The following DAPP1 variants were observed in gnomAD, a reference collection of about 807,000 sequenced individuals.
The protein encoded by DAPP1 is dual adapter for phosphotyrosine and 3-phosphotyrosine and 3-phosphoinositide.
DAPP1 carries 20 observed loss-of-function variants against 41.5 expected under a neutral mutation model. The ratio of observed to expected loss-of-function variants is 0.48; its 90% CI spans 0.34 to 0.70. The LOEUF (loss-of-function observed/expected upper bound fraction) is 0.70. Ranked by LOEUF, DAPP1 falls within the 30% of genes least tolerant of loss-of-function variation. The probability of loss-of-function intolerance (pLI) is 0.01; values close to 1 mark genes in which losing one functional copy is unlikely to be tolerated. For synonymous variants in DAPP1, 113 were observed against 116.2 expected (o/e 0.97, Z 0.18); for missense variants, 233 against 333.4 (o/e 0.70, Z 2.35).
intron 7 of DAPP1, 76 bp downstream of exon 7, chr4:99,863,931 T>G: frequency 1.0e-6 from 1 of 979,684 alleles, no homozygotes; most frequent in Non-Finnish European, 1.5e-6. Context: ...AATAGAAAGC[T>G]GTATATCTTA....
intron 1 of DAPP1, among the ~76,000 whole-genome samples, chr4:99,829,110 G>GTT (rs149305446): frequency 6.6e-6 from 1 of 151,704 alleles, no homozygotes; most frequent in Admixed American, 6.6e-5. Flanking sequence ...AGCAAATCTA[G>GTT]TTTTTTTTCT....
At chr4:99,825,208 T>C (rs949812426) in intron 1 of DAPP1, among the ~76,000 whole-genome samples, 1 of 152,176 alleles carries the variant, frequency 6.6e-6, no homozygotes, top group African/African-American at 2.4e-5. Flanking sequence ...TTGAGTTTTG[T>C]GTCTCTATCT....
At chr4:99,845,745 A>C (rs1723644840) in intron 3 of DAPP1, among the ~76,000 whole-genome samples, 1 of 152,238 alleles carries the variant, frequency 6.6e-6, no homozygotes, top group South Asian at 2.1e-4. Context: ...ATTATACCAG[A>C]GGAAACTTTA....
intron 1 of DAPP1, among the ~76,000 whole-genome samples, chr4:99,818,411 A>T (rs1722662543): frequency 6.6e-6 from 1 of 152,196 alleles, no homozygotes; most frequent in South Asian, 2.1e-4. Context: ...TTCCCAGCCC[A>T]CTGTAATAGA....
intron 3 of DAPP1, among the ~76,000 whole-genome samples, chr4:99,848,848 C>T (rs546382763): frequency 6.6e-6 from 1 of 152,242 alleles, no homozygotes; most frequent in Non-Finnish European, 1.5e-5. Context: ...TTAGTGTGAC[C>T]AGGTCAGGTA....
At chr4:99,833,844 C>T (rs1299028607) in intron 1 of DAPP1, among the ~76,000 whole-genome samples, 2 of 152,222 alleles carry the variant, frequency 1.3e-5, no homozygotes, top group African/African-American at 2.4e-5. Context: ...ATCTCAATGG[C>T]TTCCTGGTAG....
rs1479483570 is a variant in DAPP1 at position 99,827,553 on chromosome 4, AC to A, written c.102-8069del. Among the ~76,000 whole-genome samples, 236 of 124,780 alleles carry A rather than the reference AC, an allele frequency of 1.9e-3. 7 individuals are homozygous for A. The highest frequency in any genetic ancestry group is 3.8e-3 in the Middle Eastern group (1 of 260). 81.9% of individuals were successfully genotyped at this position (124,780 alleles called of 152,430 possible). On this transcript the variant is annotated intron_variant, in intron 1 of 8. Coordinates refer to ENST00000512369, the MANE Select transcript of DAPP1 (RefSeq NM_014395.3). Reference sequence around the variant, plus strand: ...GTCTCAAAAAAAAAACAACAAAAAAACAAAACAAAAAACACCATCACACTTA... The same window carrying A: ...GTCTCAAAAAAAAAACAACAAAAAAAAAAACAAAAAACACCATCACACTTA...
chr4:99,839,632 G>A (rs1407491670), intron 2 of DAPP1, among the ~76,000 whole-genome samples: 2 of 152,062 alleles, frequency 1.3e-5, no homozygotes, highest in African/African-American at 2.4e-5. Context: ...AGTGTGGTGA[G>A]GGTGTCATAT....
intron 2 of DAPP1, among the ~76,000 whole-genome samples, chr4:99,837,679 T>C (rs1723348090): frequency 6.6e-6 from 1 of 152,162 alleles, no homozygotes; most frequent in Non-Finnish European, 1.5e-5. Flanking sequence ...CAGGGACAAT[T>C]TTGCCACAGA....
At chr4:99,823,049 G>C (rs74648584) in intron 1 of DAPP1, among the ~76,000 whole-genome samples, 1,749 of 152,248 alleles carry the variant, frequency 0.011, 41 homozygotes, top group African/African-American at 0.039. Context: ...GTAATCACTT[G>C]TTTTAATAAC....
chr4:99,853,031 C>T (rs1723917480), intron 3 of DAPP1, among the ~76,000 whole-genome samples, 187 bp from the exon 4 acceptor site: 1 of 152,128 alleles, frequency 6.6e-6, no homozygotes, highest in Non-Finnish European at 1.5e-5. Context: ...CTCCATCATG[C>T]TTTATATCTC....
At chr4:99,866,927 G>A (rs917113195) in intron 8 of DAPP1, among the ~76,000 whole-genome samples, 3 of 151,666 alleles carry the variant, frequency 2.0e-5, no homozygotes, top group East Asian at 1.9e-4. Context: ...TTGCCACCAC[G>A]CCTGGTTAAT....
rs4699768 is a variant in DAPP1 at position 99,868,259 on chromosome 4, G to A, written c.*74G>A. 0.092 allele frequency: 121,468 copies of A among 1,323,404 alleles called. 6,667 individuals carry two copies. The highest frequency in any genetic ancestry group is 0.11 in the Non-Finnish European group (102,722 of 921,612). The allele number at this position is 1,323,404 out of a possible 1,614,324, so 82.0% of individuals were successfully genotyped here. A position where few individuals can be genotyped will look rare whatever the true frequency, so the allele number is the denominator to read the frequency against. On this transcript the variant is annotated 3_prime_UTR_variant, in exon 9 of 9. Coordinates refer to ENST00000512369, the MANE Select transcript of DAPP1 (RefSeq NM_014395.3). ...TCCCTGACGCTGTGATCTGCAGCAG[G>A]CTTCAAATGAAAACCGACTAAGGAT...
At chr4:99,845,301 C>T (rs2110151412) in intron 3 of DAPP1, among the ~76,000 whole-genome samples, 1 of 152,240 alleles carries the variant, frequency 6.6e-6, no homozygotes, top group South Asian at 2.1e-4. Context: ...GAAACTGGTC[C>T]CACAATAACA....
At chr4:99,847,853 T>C (rs1023371905) in intron 3 of DAPP1, among the ~76,000 whole-genome samples, 3 of 152,022 alleles carry the variant, frequency 2.0e-5, no homozygotes, top group African/African-American at 7.3e-5. Context: ...CTCACTCTGT[T>C]GCCAGGCTGG....
intron 3 of DAPP1, among the ~76,000 whole-genome samples, chr4:99,841,604 C>A (rs968323730): frequency 6.6e-6 from 1 of 152,200 alleles, no homozygotes; most frequent in Admixed American, 6.5e-5. Context: ...CCTTGGCAAG[C>A]ATTTCAGTTT....
rs781375437 is a variant in DAPP1 at position 99,816,868 on chromosome 4, G to T, written c.-46G>T. The stretch of plus-strand genomic sequence containing the variant: ...GTCTCACAGAGCGAGAAGGTGTCAG[G>T]AGCAGCCCAGTTGTGTCTCTCTCTC... On this transcript the variant is annotated 5_prime_UTR_variant, in exon 1 of 9. Coordinates refer to ENST00000512369, the MANE Select transcript of DAPP1 (RefSeq NM_014395.3). The T allele has an allele frequency of 6.6e-7, 1 of 1,524,956 alleles. No individual in the cohort carries two copies. Among genetic ancestry groups the T allele is most frequent in the South Asian group, 1.2e-5 (1 of 83,340 alleles). The allele number at this position is 1,524,956 out of a possible 1,614,324, so 94.5% of individuals were successfully genotyped here. A position where few individuals can be genotyped will look rare whatever the true frequency, so the allele number is the denominator to read the frequency against.
At chr4:99,836,737 A>G (rs1322218948) in intron 2 of DAPP1, among the ~76,000 whole-genome samples, 1 of 152,164 alleles carries the variant, frequency 6.6e-6, no homozygotes, top group Non-Finnish European at 1.5e-5. Flanking sequence ...TTGCTTCTAT[A>G]TTCATTTTCT....
At chr4:99,872,058 G>T (rs1724638399), downstream of DAPP1, among the ~76,000 whole-genome samples, 1 of 152,224 alleles carries the variant, frequency 6.6e-6, no homozygotes, top group African/African-American at 2.4e-5. Flanking sequence ...AAAAATGGCA[G>T]ATGCCATATA....
Sources: gnomAD v4.1 joint callset for allele counts (sites outside exome capture counted in the v4.1 genomes callset) on GRCh38, gnomAD v4.1.1 for gene constraint, MANE v1.5 for transcripts, NCBI Gene and HGNC (gene_info 2026-07-23, HGNC 2026-07-21) for gene names.